UHRF1: variants seen among roughly 807,000 people sequenced by gnomAD.
UHRF1 encodes the protein E3 ubiquitin-protein ligase UHRF1.
In UHRF1, 9 loss-of-function variants were observed where a neutral mutation model predicts 96.5. The observed-to-expected ratio is 0.09, with a 90% confidence interval of 0.06 to 0.16. UHRF1 has a LOEUF of 0.16. Ranked by LOEUF, UHRF1 falls within the 10% of genes least tolerant of loss-of-function variation. The probability of loss-of-function intolerance (pLI) is 1.00; values close to 1 mark genes in which losing one functional copy is unlikely to be tolerated. For missense variants in UHRF1, 626 were observed against 1,131.1 expected, an observed-to-expected ratio of 0.55 and a Z score of 6.40; for synonymous variants, 455 against 469.9, an observed-to-expected ratio of 0.97 and a Z score of 0.41.
At chr19:4,905,997 G>A (rs2032057643), upstream of UHRF1, among the ~76,000 whole-genome samples, 1 of 152,080 alleles carries the variant, frequency 6.6e-6, no homozygotes. Context: ...TATTTTTTGA[G>A]ACAGAGTCTC....
In UHRF1 at chr19:4,960,753, C is replaced by T. The variant is rs551268950; in HGVS notation, c.2332C>T (p.Leu778=). ...RSYAMQVNQP[L]QTVLNQLFPG... ...CTATGCCATGCAGGTGAACCAGCCT[C>T]TGCAGACCGTCCTCAACCAGCTCTT... The change falls in exon 17 of 17, where the codon CTG becomes TTG. Residue 778 remains leucine, a synonymous_variant. Transcript: ENST00000650932. The T allele has an allele frequency of 1.1e-5, 18 of 1,575,942 alleles. No individual in the cohort carries two copies. In the East Asian group the frequency reaches 3.5e-4, roughly 31 times the overall value.
chr19:4,913,317 G>A (rs1327418613), intron 2 of UHRF1, among the ~76,000 whole-genome samples: 1 of 140,876 alleles, frequency 7.1e-6, no homozygotes, highest in African/African-American at 2.7e-5. Flanking sequence ...GCAGTGGCTC[G>A]ATCTGGGCTC....
chr19:4,944,846 C>G (rs1461654815), intron 9 of UHRF1, among the ~76,000 whole-genome samples: 1 of 152,180 alleles, frequency 6.6e-6, no homozygotes. Context: ...AGACGAGACA[C>G]TTTGGCACTA....
At chr19:4,929,783 C>T (rs749774188) in intron 3 of UHRF1, among the ~76,000 whole-genome samples, 1 of 152,110 alleles carries the variant, frequency 6.6e-6, no homozygotes, top group Non-Finnish European at 1.5e-5. Context: ...ACAGAAAGAT[C>T]TGGGTTTCCA....
At chr19:4,938,253 T>G (rs2033275012) in intron 5 of UHRF1, among the ~76,000 whole-genome samples, 1 of 152,080 alleles carries the variant, frequency 6.6e-6, no homozygotes. Context: ...TATGCTTATG[T>G]GACTGTCTGG....
chr19:4,935,492 T>C (rs2033189286), intron 5 of UHRF1, among the ~76,000 whole-genome samples: 1 of 152,050 alleles, frequency 6.6e-6, no homozygotes, highest in South Asian at 2.1e-4. Flanking sequence ...CCTTCCAAGC[T>C]CTTGTGGTGG....
rs1350782266 is a variant in UHRF1, at chr19:4,930,989, G to C, written c.569+113G>C. Reference sequence around the variant, plus strand: ...TGTCTCGAGATGGTGATCAGGATCTGGGGCCCCATCCTCGAATTCCTAACA... The same window carrying C: ...TGTCTCGAGATGGTGATCAGGATCTCGGGCCCCATCCTCGAATTCCTAACA... On this transcript the variant is annotated intron_variant, in intron 4 of 16. Coordinates refer to ENST00000650932, the MANE Select transcript of UHRF1 (RefSeq NM_001048201.3). The surrounding 1 kb of genome is among the most constrained non-coding windows in gnomAD (Gnocchi z 4.4). 1.6e-5 allele frequency: 23 copies of C among 1,479,512 alleles called. No individual in the cohort carries two copies. Among genetic ancestry groups the C allele is most frequent in the Non-Finnish European group, 2.0e-5 (22 of 1,089,658 alleles). 91.6% of individuals were successfully genotyped at this position (1,479,512 alleles called of 1,614,324 possible). A position where few individuals can be genotyped will look rare whatever the true frequency, so the allele number is the denominator to read the frequency against.
chr19:4,946,740 A>C (rs190390613), intron 10 of UHRF1, among the ~76,000 whole-genome samples: 16 of 151,710 alleles, frequency 1.1e-4, no homozygotes, highest in Non-Finnish European at 1.8e-4. Context: ...ACGCCAAACT[A>C]ATTTTTGTAT....
At chr19:4,909,711 G>T in intron 1 of UHRF1, 56 bp downstream of exon 1, 1 of 502,502 alleles carries the variant, frequency 2.0e-6, no homozygotes, top group South Asian at 2.8e-5. Flanking sequence ...CGGGGCTCGG[G>T]AACTTTGCAA....
At chr19:4,942,142 T>C (rs934507491) in intron 7 of UHRF1, among the ~76,000 whole-genome samples, 1 of 152,078 alleles carries the variant, frequency 6.6e-6, no homozygotes, top group African/African-American at 2.4e-5. Context: ...GTAGAGACTC[T>C]GTTTCTTTTT....
chr19:4,913,127 C>G (rs1345674042), intron 2 of UHRF1, among the ~76,000 whole-genome samples: 2 of 152,076 alleles, frequency 1.3e-5, no homozygotes, highest in Non-Finnish European at 2.9e-5. Context: ...ATCCATGCAA[C>G]CCAAAACCCC....
chr19:4,919,699 G>A (rs1471952251), intron 2 of UHRF1, among the ~76,000 whole-genome samples: 1 of 152,124 alleles, frequency 6.6e-6, no homozygotes, highest in African/African-American at 2.4e-5. Flanking sequence ...AGGAGACCTT[G>A]AGTTAGGGCT....
upstream of UHRF1, among the ~76,000 whole-genome samples, chr19:4,907,568 C>T (rs1178409641): frequency 6.6e-6 from 1 of 151,852 alleles, no homozygotes; most frequent in East Asian, 1.9e-4. Flanking sequence ...CCACGCCCGG[C>T]CCACACATTT....
chr19:4,959,954 G>A (rs934217482), intron 16 of UHRF1, among the ~76,000 whole-genome samples: 6 of 152,190 alleles, frequency 3.9e-5, no homozygotes, highest in South Asian at 2.1e-4. Context: ...TCCGCCTCCC[G>A]GGTTCAAGCC....
At chr19:4,929,849 G>A (rs896742782) in intron 3 of UHRF1, among the ~76,000 whole-genome samples, 3 of 151,776 alleles carry the variant, frequency 2.0e-5, no homozygotes, top group East Asian at 1.9e-4. Flanking sequence ...TGCCCAGCCT[G>A]GGGTGCAGCC....
intron 2 of UHRF1, among the ~76,000 whole-genome samples, chr19:4,922,273 T>C (rs188626015): frequency 2.6e-3 from 391 of 151,590 alleles, no homozygotes; most frequent in Middle Eastern, 6.9e-3. Flanking sequence ...TTCATTTATT[T>C]ATTTGTTTTT....
intron 3 of UHRF1, among the ~76,000 whole-genome samples, chr19:4,929,812 T>C: frequency 6.7e-6 from 1 of 149,182 alleles, no homozygotes; most frequent in Middle Eastern, 3.5e-3. Flanking sequence ...ATTTTTTTAT[T>C]TTTTTTTTGG....
chr19:4,929,709 G>A (rs1302832389), intron 3 of UHRF1, among the ~76,000 whole-genome samples: 1 of 152,192 alleles, frequency 6.6e-6, no homozygotes, highest in East Asian at 1.9e-4. Flanking sequence ...TGTCTTCTCC[G>A]TGAAGCTTGC....
intron 11 of UHRF1, among the ~76,000 whole-genome samples, chr19:4,947,910 C>T (rs911762432): frequency 1.3e-5 from 2 of 151,410 alleles, no homozygotes; most frequent in Non-Finnish European, 3.0e-5. Context: ...CCAGCCTGGG[C>T]AAGGTAGTGA....
Sources: allele counts gnomAD v4.1 joint callset (sites outside exome capture counted in the v4.1 genomes callset), GRCh38; gene constraint gnomAD v4.1.1; non-coding constraint Gnocchi (gnomAD v3.1); transcripts MANE v1.5; gene names NCBI Gene and HGNC (gene_info 2026-07-23, HGNC 2026-07-21).